Variants in ERC1 observed in about 807,000 individuals in gnomAD.
The protein encoded by ERC1 is ELKS/RAB6-interacting/CAST family member 1, also known as RAB6 interacting protein 2.
In ERC1, 56 loss-of-function variants were observed where a neutral mutation model predicts 132.0. The observed-to-expected ratio is 0.42, with a 90% confidence interval of 0.34 to 0.53. ERC1 has a LOEUF of 0.53. Ranked by LOEUF, ERC1 falls within the 20% of genes least tolerant of loss-of-function variation. The probability of loss-of-function intolerance (pLI) is 0.03; values close to 1 mark genes in which losing one functional copy is unlikely to be tolerated. For missense variants in ERC1, 1,202 were observed against 1,349.9 expected, an observed-to-expected ratio of 0.89 and a Z score of 1.72; for synonymous variants, 478 against 476.1, an observed-to-expected ratio of 1.00 and a Z score of -0.05.
intron 18 of ERC1, among the ~76,000 whole-genome samples, chr12:1,487,578 G>A (rs1255574269): frequency 6.7e-6 from 1 of 149,052 alleles, no homozygotes; most frequent in Admixed American, 6.7e-5. Context: ...AAATTAGCCA[G>A]GCATGGTGGT....
At chr12:1,132,549 A>T (rs1279945493) in intron 7 of ERC1, among the ~76,000 whole-genome samples, 1 of 152,114 alleles carries the variant, frequency 6.6e-6, no homozygotes, top group Non-Finnish European at 1.5e-5. Flanking sequence ...TCATGGATCC[A>T]ATATAAAGTG....
At chr12:1,486,933 G>A (rs992963422) in intron 18 of ERC1, among the ~76,000 whole-genome samples, 1 of 152,198 alleles carries the variant, frequency 6.6e-6, no homozygotes, top group Non-Finnish European at 1.5e-5. Flanking sequence ...ATATAAACTA[G>A]AATTGTCTGG....
At chr12:1,426,179 C>T (rs1376218669) in intron 17 of ERC1, among the ~76,000 whole-genome samples, 1 of 151,160 alleles carries the variant, frequency 6.6e-6, no homozygotes, top group African/African-American at 2.4e-5. Flanking sequence ...TCTCTGCTCA[C>T]TGCAACCTCC....
At chr12:1,432,485 A>G (rs74059525) in intron 17 of ERC1, among the ~76,000 whole-genome samples, 3,375 of 152,312 alleles carry the variant, frequency 0.022, 123 homozygotes, top group African/African-American at 0.077. Context: ...CCTCAGGGTG[A>G]GGATGTCAGG....
chr12:1,202,871 G>C (rs1385670817), intron 12 of ERC1, among the ~76,000 whole-genome samples: 1 of 152,160 alleles, frequency 6.6e-6, no homozygotes, highest in African/African-American at 2.4e-5. Context: ...TTGACTTCCT[G>C]TGTCACAACC....
intron 15 of ERC1, among the ~76,000 whole-genome samples, chr12:1,366,377 G>C (rs976577003): frequency 2.0e-5 from 3 of 152,194 alleles, no homozygotes; most frequent in Non-Finnish European, 4.4e-5. Context: ...GCAAATGCCT[G>C]TTAATATCAT....
intron 14 of ERC1, among the ~76,000 whole-genome samples, chr12:1,288,569 C>T (rs142390733): frequency 1.9e-4 from 29 of 152,300 alleles, no homozygotes; most frequent in African/African-American, 6.7e-4. Context: ...TACCAATCAA[C>T]GTGGAAACTT....
Position 1,123,056 on chromosome 12 carries a change from C to T in ERC1, c.1569+7023C>T, listed in dbSNP as rs144515434. ...CCAGCTGGTGAGATGGCACTGCTTA[C>T]GGTGGTGATGGGGTAATGTCTTGTT... is the stretch of plus-strand genomic sequence containing the variant. On this transcript the variant is annotated intron_variant, in intron 7 of 18. Coordinates refer to ENST00000360905, the MANE Select transcript of ERC1 (RefSeq NM_178040.4). Among the ~76,000 whole-genome samples the T allele has an allele frequency of 6.3e-4, 96 of 152,180 alleles. No homozygotes were observed. In the South Asian group the frequency reaches 9.3e-3, roughly 15 times the overall value.
intron 13 of ERC1, among the ~76,000 whole-genome samples, chr12:1,262,653 T>A (rs986694613): frequency 4.6e-5 from 7 of 152,014 alleles, no homozygotes; most frequent in Non-Finnish European, 1.0e-4. Context: ...AGTGTTTTGA[T>A]ATTCGGTCGA....
At chr12:1,302,769 C>A (rs2080502521) in intron 15 of ERC1, among the ~76,000 whole-genome samples, 1 of 151,968 alleles carries the variant, frequency 6.6e-6, no homozygotes, top group South Asian at 2.1e-4. Flanking sequence ...AGTTCAGGAC[C>A]AGCCTGGGCA....
chr12:1,465,175 C>G (rs1361798044), intron 18 of ERC1, among the ~76,000 whole-genome samples: 1 of 152,048 alleles, frequency 6.6e-6, no homozygotes, highest in South Asian at 2.1e-4. Flanking sequence ...TGATGCTCCC[C>G]CAACTAAGCT....
rs747890124 is a variant in ERC1, at chr12:1,029,744, C to CTTT, written c.669+1191_669+1193dup. On this transcript the variant is annotated intron_variant, in intron 2 of 18. Transcript: ENST00000360905. ...TCTACTAGTTAAAATGTTAAACATACTTTTTTTTTTTTTTTTTTTTTGAGA... is the reference window on the plus strand; with the variant it reads ...TCTACTAGTTAAAATGTTAAACATACTTTTTTTTTTTTTTTTTTTTTTTTGAGA... 1.6e-3 allele frequency among the ~76,000 whole-genome samples: 179 copies of CTTT among 114,180 alleles called. 1 individual carries two copies. The highest frequency in any genetic ancestry group is 3.1e-3 in the East Asian group (12 of 3,896). The allele number at this position is 114,180 out of a possible 152,430, so 74.9% of individuals were successfully genotyped here.
chr12:1,096,154 C>T (rs930643817), intron 3 of ERC1, among the ~76,000 whole-genome samples: 3 of 152,280 alleles, frequency 2.0e-5, no homozygotes, highest in East Asian at 1.9e-4. Flanking sequence ...TCTCGAACTA[C>T]TGAGCTCAAG....
chr12:1,251,557 A>G (rs1050562169), intron 13 of ERC1, among the ~76,000 whole-genome samples: 1 of 152,176 alleles, frequency 6.6e-6, no homozygotes, highest in Non-Finnish European at 1.5e-5. Flanking sequence ...GAAATTACGC[A>G]TGAAAATTCT....
intron 2 of ERC1, among the ~76,000 whole-genome samples, chr12:1,071,324 G>A (rs989806144): frequency 6.6e-6 from 1 of 152,142 alleles, no homozygotes; most frequent in African/African-American, 2.4e-5. Flanking sequence ...GCCAGCATTT[G>A]GTATTGTTAA....
chr12:1,179,796 C>T (rs1410637132), intron 8 of ERC1, among the ~76,000 whole-genome samples: 4 of 152,222 alleles, frequency 2.6e-5, no homozygotes, highest in African/African-American at 9.6e-5. Flanking sequence ...CGTGAGCCAC[C>T]GCGCCCGGCC....
intron 12 of ERC1, among the ~76,000 whole-genome samples, chr12:1,214,665 TACACACACACAC>T (rs59137347): frequency 0.019 from 2,254 of 119,062 alleles, 57 homozygotes; most frequent in African/African-American, 0.053. Context: ...TGTGTATACA[TACACACACACAC>T]ACACACACAC....
At chr12:1,006,231 A>G (rs1963560687) in intron 1 of ERC1, among the ~76,000 whole-genome samples, 3 of 151,990 alleles carry the variant, frequency 2.0e-5, no homozygotes, top group Admixed American at 2.0e-4. Context: ...TGCTGGGATT[A>G]CAGGCATGAA....
chr12:1,185,769 A>C (rs1463968170), intron 11 of ERC1, among the ~76,000 whole-genome samples: 1 of 152,006 alleles, frequency 6.6e-6, no homozygotes, highest in East Asian at 1.9e-4. Flanking sequence ...GGTGACTACA[A>C]AATAGAAAGG....
Sources: allele counts gnomAD v4.1 joint callset (sites outside exome capture counted in the v4.1 genomes callset), GRCh38; gene constraint gnomAD v4.1.1; transcripts MANE v1.5; gene names NCBI Gene and HGNC (gene_info 2026-07-23, HGNC 2026-07-21).